SPTSSA: variants seen among roughly 807,000 people sequenced by gnomAD.
The protein encoded by SPTSSA is serine palmitoyltransferase small subunit A.
In SPTSSA, 8 loss-of-function variants were observed where a neutral mutation model predicts 9.1. The ratio of observed to expected loss-of-function variants is 0.88; its 90% CI spans 0.51 to 1.58. SPTSSA has a LOEUF of 1.58. SPTSSA is among the 40% of genes most tolerant of loss of function. The pLI is 0.00. For missense variants in SPTSSA, 100 were observed against 93.8 expected, an observed-to-expected ratio of 1.07 and a Z score of -0.27; for synonymous variants, 42 against 37.7, an observed-to-expected ratio of 1.11 and a Z score of -0.41.
intron 1 of SPTSSA, among the ~76,000 whole-genome samples, chr14:34,458,904 C>CTTT (rs759940424): frequency 0.18 from 21,837 of 123,788 alleles, 2,586 homozygotes; most frequent in African/African-American, 0.27. Context: ...GAAATTACAA[C>CTTT]TTTTTTTTTT....
intron 1 of SPTSSA, among the ~76,000 whole-genome samples, chr14:34,445,508 T>A (rs1883405660): frequency 6.6e-6 from 1 of 151,610 alleles, no homozygotes; most frequent in Non-Finnish European, 1.5e-5. Context: ...CTCAAAAAAA[T>A]AAATAAATAA....
At chr14:34,442,981 TGTGA>T (rs1333735315) in intron 1 of SPTSSA, among the ~76,000 whole-genome samples, 1 of 148,372 alleles carries the variant, frequency 6.7e-6, no homozygotes, top group Non-Finnish European at 1.5e-5. Context: ...TGTGTGTGTG[TGTGA>T]GATGGAGTTT....
chr14:34,445,250 C>A (rs1305252944), intron 1 of SPTSSA, among the ~76,000 whole-genome samples: 1 of 151,906 alleles, frequency 6.6e-6, no homozygotes, highest in African/African-American at 2.4e-5. Flanking sequence ...TGCCTGTAAT[C>A]CCAACACTCT....
chr14:34,438,936 TC>T (rs1269719849), intron 1 of SPTSSA, among the ~76,000 whole-genome samples: 26 of 152,280 alleles, frequency 1.7e-4, no homozygotes, highest in African/African-American at 5.1e-4. Flanking sequence ...AGGCAAGTAT[TC>T]AAGGACTTTC....
At chr14:34,450,209 C>G (rs1236573590) in intron 1 of SPTSSA, among the ~76,000 whole-genome samples, 1 of 152,172 alleles carries the variant, frequency 6.6e-6, no homozygotes, top group Non-Finnish European at 1.5e-5. Context: ...AACATCATGA[C>G]TGTCTATGTT....
chr14:34,448,253 AT>A (rs1883458356), intron 1 of SPTSSA, among the ~76,000 whole-genome samples: 1 of 151,446 alleles, frequency 6.6e-6, no homozygotes, highest in African/African-American at 2.4e-5. Context: ...CAAAAACTCC[AT>A]CTCAAAAAAA....
rs1269022102 is a variant in SPTSSA at position 34,433,982 on chromosome 14, AAC to A, written c.*1217_*1218del. 5.5e-3 allele frequency: 841 copies of A among 151,882 alleles called. 17 individuals carry two copies. Among genetic ancestry groups the A allele is most frequent in the African/African-American group, 0.019 (796 of 41,278 alleles). The allele number at this position is 151,882 out of a possible 1,614,324, so 9.4% of individuals were successfully genotyped here. A position where few individuals can be genotyped will look rare whatever the true frequency, so the allele number is the denominator to read the frequency against. On this transcript the variant is annotated 3_prime_UTR_variant, in exon 2 of 2. Coordinates refer to ENST00000298130, the MANE Select transcript of SPTSSA (RefSeq NM_138288.4). The stretch of plus-strand genomic sequence containing the variant: ...CGTCTCAAAAAAAAAAAAACAAAAA[AAC>A]AACCCAGCAACACACATAATTGCCT...
chr14:34,459,538 T>TG (rs1289594396), intron 1 of SPTSSA, among the ~76,000 whole-genome samples: 1 of 151,850 alleles, frequency 6.6e-6, no homozygotes, highest in Non-Finnish European at 1.5e-5. Flanking sequence ...CCCAGCATTT[T>TG]GGGAGGCTGC....
chr14:34,454,923 C>T (rs1261990042), intron 1 of SPTSSA, among the ~76,000 whole-genome samples: 2 of 152,006 alleles, frequency 1.3e-5, no homozygotes, highest in African/African-American at 4.8e-5. Context: ...CCCTTCTCTA[C>T]TAAAAATACA....
At chr14:34,447,889 C>T (rs1883449558) in intron 1 of SPTSSA, among the ~76,000 whole-genome samples, 1 of 152,188 alleles carries the variant, frequency 6.6e-6, no homozygotes, top group African/African-American at 2.4e-5. Context: ...TAGAAACCAT[C>T]AAGCTTCAGA....
chr14:34,445,845 G>T (rs1438057190), intron 1 of SPTSSA, among the ~76,000 whole-genome samples: 1 of 152,136 alleles, frequency 6.6e-6, no homozygotes, highest in Non-Finnish European at 1.5e-5. Context: ...TTATTATGTT[G>T]TCATTGTAAA....
intron 1 of SPTSSA, among the ~76,000 whole-genome samples, chr14:34,451,646 T>C (rs28735535): frequency 0.12 from 17,624 of 148,096 alleles, 2,423 homozygotes; most frequent in African/African-American, 0.34. Flanking sequence ...TGGCGTGAAC[T>C]CGGGAGGCGG....
At chr14:34,452,225 A>G (rs1184006655) in intron 1 of SPTSSA, among the ~76,000 whole-genome samples, 1 of 150,468 alleles carries the variant, frequency 6.6e-6, no homozygotes, top group Non-Finnish European at 1.5e-5. Flanking sequence ...CAGCCTGAGC[A>G]ACAGAGTGAG....
chr14:34,443,196 GGGGT>G (rs770045794), intron 1 of SPTSSA, among the ~76,000 whole-genome samples: 6,480 of 16,716 alleles, frequency 0.39, 1,858 homozygotes, highest in Middle Eastern at 0.5. Context: ...TTTCCTCTAG[GGGGT>G]GTGTGTGTGT....
intron 1 of SPTSSA, among the ~76,000 whole-genome samples, chr14:34,437,385 A>G (rs1427878865): frequency 6.6e-6 from 1 of 152,236 alleles, no homozygotes; most frequent in Non-Finnish European, 1.5e-5. Flanking sequence ...GATAGATAAG[A>G]GTGAACTTTG....
chr14:34,450,510 C>T (rs1307770110), intron 1 of SPTSSA, among the ~76,000 whole-genome samples: 3 of 152,108 alleles, frequency 2.0e-5, no homozygotes, highest in African/African-American at 4.8e-5. Flanking sequence ...TTCTATTTAC[C>T]GAACTCTTCT....
chr14:34,448,959 G>A (rs886881847), intron 1 of SPTSSA, among the ~76,000 whole-genome samples: 24 of 148,738 alleles, frequency 1.6e-4, no homozygotes, highest in African/African-American at 5.3e-4. Context: ...GAGATCACAC[G>A]GCTGTACTCC....
At chr14:34,443,629 A>G (rs1158509745) in intron 1 of SPTSSA, among the ~76,000 whole-genome samples, 6 of 150,822 alleles carry the variant, frequency 4.0e-5, no homozygotes, top group South Asian at 4.2e-4. Context: ...TCTGCCTCCC[A>G]GGTTCAAGCG....
At chr14:34,441,615 T>A (rs900564346) in intron 1 of SPTSSA, among the ~76,000 whole-genome samples, 8 of 152,284 alleles carry the variant, frequency 5.3e-5, no homozygotes, top group African/African-American at 1.9e-4. Context: ...TTTGGGATTT[T>A]TTTTTCTCCT....
Sources: gnomAD v4.1 joint callset for allele counts (sites outside exome capture counted in the v4.1 genomes callset) on GRCh38, gnomAD v4.1.1 for gene constraint, MANE v1.5 for transcripts, NCBI Gene and HGNC (gene_info 2026-07-23, HGNC 2026-07-21) for gene names.